PIEZO2: variants seen among roughly 807,000 people sequenced by gnomAD.
PIEZO2 encodes the protein piezo-type mechanosensitive ion channel component 2.
In PIEZO2, 172 loss-of-function variants were observed where a neutral mutation model predicts 337.3. The ratio of observed to expected loss-of-function variants is 0.51; its 90% CI spans 0.45 to 0.58. The LOEUF (loss-of-function observed/expected upper bound fraction) is 0.58, where lower values mean the gene tolerates loss of function less well. Ranked by LOEUF, PIEZO2 falls within the 20% of genes least tolerant of loss-of-function variation. PIEZO2 has a pLI of 0.00. For missense variants in PIEZO2, 3,028 were observed against 3,391.3 expected, an observed-to-expected ratio of 0.89 and a Z score of 2.66; for synonymous variants, 1,251 against 1,228.5, an observed-to-expected ratio of 1.02 and a Z score of -0.38.
chr18:10,706,762 C>T (rs2035604227), intron 40 of PIEZO2, among the ~76,000 whole-genome samples: 1 of 152,164 alleles, frequency 6.6e-6, no homozygotes, highest in Non-Finnish European at 1.5e-5. Flanking sequence ...ACACATCCAG[C>T]CACGGACGGG....
chr18:11,110,939 C>T lies in PIEZO2; in HGVS notation c.64+37586G>A, dbSNP rs2039712334. Among the ~76,000 whole-genome samples, 1 of 152,202 alleles carries T rather than the reference C, an allele frequency of 6.6e-6. No individual in the cohort carries two copies. Among genetic ancestry groups the T allele is most frequent in the Non-Finnish European group, 1.5e-5 (1 of 68,038 alleles). On this transcript the variant is annotated intron_variant, in intron 1 of 55. Coordinates refer to ENST00000674853, the MANE Select transcript of PIEZO2 (RefSeq NM_001378183.1). This position sits in a 1 kb window ranked among gnomAD's most constrained non-coding sequence, Gnocchi z 4.2. ...GCCAGGATGCTGTGCCCCGCAAGCT[C>T]CCCTCCATGTGGTCTGCGTCAGAGT...
rs1437036937 is a variant in PIEZO2 at position 10,716,777 on chromosome 18, T to G, written c.5090-961A>C. On this transcript the variant is annotated intron_variant, in intron 37 of 55. Coordinates refer to ENST00000674853, the MANE Select transcript of PIEZO2 (RefSeq NM_001378183.1). This position sits in a 1 kb window ranked among gnomAD's most constrained non-coding sequence, Gnocchi z 4.1. Reference sequence around the variant, plus strand: ...AGCTTGGCTCTGGAGGATGAAAGGCTTGGAGTTACACCCATCAATGAACTT... The same window carrying G: ...AGCTTGGCTCTGGAGGATGAAAGGCGTGGAGTTACACCCATCAATGAACTT... 6.6e-5 allele frequency among the ~76,000 whole-genome samples: 10 copies of G among 152,206 alleles called. 1 individual carries two copies. Among genetic ancestry groups the G allele is most frequent in the Admixed American group, 5.9e-4 (9 of 15,280 alleles).
At chr18:10,731,208 T>C (rs1567995785) in intron 36 of PIEZO2, among the ~76,000 whole-genome samples, 199 bp downstream of exon 36, 1 of 145,910 alleles carries the variant, frequency 6.9e-6, no homozygotes, top group South Asian at 2.2e-4. Flanking sequence ...TATATATATA[T>C]ATATATATAT....
chr18:11,071,954 G>C (rs145915334), intron 1 of PIEZO2, among the ~76,000 whole-genome samples: 2 of 150,194 alleles, frequency 1.3e-5, no homozygotes, highest in African/African-American at 4.8e-5. Flanking sequence ...CCCATCCTGC[G>C]CTCCATGCTA....
chr18:10,817,975 T>C (rs1034304297), intron 7 of PIEZO2, among the ~76,000 whole-genome samples: 2 of 151,890 alleles, frequency 1.3e-5, no homozygotes, highest in Admixed American at 6.6e-5. Context: ...GACTATTACC[T>C]GAATTAAACG....
rs1385085749 is a variant in PIEZO2 at position 10,997,537 on chromosome 18, A to G, written c.161-17877T>C. Among the ~76,000 whole-genome samples, 3 of 152,208 alleles carry G rather than the reference A, an allele frequency of 2.0e-5. No homozygotes were observed. The East Asian group carries it at 5.8e-4, about 29-fold the overall frequency. ...AAGTAAACCATGTTGAAATAAATAT[A>G]AAGATAAACATTATCAGCAGAGAAA... On this transcript the variant is annotated intron_variant, in intron 2 of 55. Transcript: ENST00000674853.
chr18:10,928,343 C>T (rs528331417), intron 3 of PIEZO2, among the ~76,000 whole-genome samples: 1 of 152,158 alleles, frequency 6.6e-6, no homozygotes, highest in Non-Finnish European at 1.5e-5. Context: ...CATGGCCGCT[C>T]CAAGCAAAGA....
chr18:10,907,370 G>A (rs1156945751), intron 4 of PIEZO2, among the ~76,000 whole-genome samples: 1 of 151,814 alleles, frequency 6.6e-6, no homozygotes, highest in Non-Finnish European at 1.5e-5. Flanking sequence ...CTGAACCCGG[G>A]AAGCAGAGGT....
rs1344807483 is a variant in PIEZO2 at position 10,929,976 on chromosome 18, G to A, written c.287-18748C>T. 2.6e-5 allele frequency among the ~76,000 whole-genome samples: 4 copies of A among 152,202 alleles called. No individual in the cohort carries two copies. The highest frequency in any genetic ancestry group is 3.4e-3 in the Middle Eastern group (1 of 294). On this transcript the variant is annotated intron_variant, in intron 3 of 55. Coordinates refer to ENST00000674853, the MANE Select transcript of PIEZO2 (RefSeq NM_001378183.1). This position sits in a 1 kb window ranked among gnomAD's most constrained non-coding sequence, Gnocchi z 5.6. ...CTTTCCTTTGGAGTTGAGGCACCAC[G>A]GACCAGCATTAACATTAAAACAGAG...
intron 1 of PIEZO2, among the ~76,000 whole-genome samples, chr18:11,106,515 C>G (rs986785853): frequency 6.6e-5 from 10 of 150,868 alleles, no homozygotes; most frequent in Non-Finnish European, 1.3e-4. Flanking sequence ...TCGGGTGATC[C>G]TCCCGCCTCA....
intron 3 of PIEZO2, among the ~76,000 whole-genome samples, chr18:10,975,216 A>G (rs1206978255): frequency 2.0e-5 from 3 of 152,248 alleles, no homozygotes. Context: ...GCATGCTTTA[A>G]GCACAGCACA....
intron 3 of PIEZO2, among the ~76,000 whole-genome samples, chr18:10,972,726 G>T (rs1334513668): frequency 6.6e-6 from 1 of 152,166 alleles, no homozygotes; most frequent in Non-Finnish European, 1.5e-5. Context: ...TCATCCATGT[G>T]ACTGTGCGTA....
chr18:10,731,634 C>T (rs2036792581), intron 35 of PIEZO2, 113 bp from the exon 36 acceptor site: 3 of 549,198 alleles, frequency 5.5e-6, no homozygotes, highest in South Asian at 8.1e-5. Context: ...ACAAACTAAA[C>T]ATCCCGGGCT....
chr18:10,785,949 C>T (rs1159678971), intron 16 of PIEZO2, among the ~76,000 whole-genome samples: 6 of 152,058 alleles, frequency 3.9e-5, no homozygotes, highest in Non-Finnish European at 2.9e-5. Flanking sequence ...CCCCACTCTT[C>T]GCTGTCCACT....
Position 10,878,929 on chromosome 18 carries a change from T to C in PIEZO2, c.330-7514A>G, listed in dbSNP as rs12455452. ...GTGTTTTCACAATGAGTGTCAGGTG[T>C]GGTTAGGACTTTCAGGTGCAGAGGT... On this transcript the variant is annotated intron_variant, in intron 4 of 55. Coordinates refer to ENST00000674853, the MANE Select transcript of PIEZO2 (RefSeq NM_001378183.1). This position sits in a 1 kb window ranked among gnomAD's most constrained non-coding sequence, Gnocchi z 4.3. Among the ~76,000 whole-genome samples, 66,225 of 152,050 alleles carry C rather than the reference T, an allele frequency of 0.44. 15,602 individuals carry two copies. Among genetic ancestry groups the C allele is most frequent in the African/African-American group, 0.64 (26,358 of 41,470 alleles).
At chr18:10,752,032 C>T (rs141752362) in intron 28 of PIEZO2, among the ~76,000 whole-genome samples, 1 of 152,286 alleles carries the variant, frequency 6.6e-6, no homozygotes, top group African/African-American at 2.4e-5. Context: ...CCGTACATTG[C>T]TCTAGCTGTG....
chr18:10,674,378 T>C (rs763621907), intron 54 of PIEZO2, among the ~76,000 whole-genome samples: 5 of 152,278 alleles, frequency 3.3e-5, no homozygotes, highest in Admixed American at 6.5e-5. Flanking sequence ...GCAAACTTCT[T>C]AATGCGTCTT....
intron 36 of PIEZO2, among the ~76,000 whole-genome samples, chr18:10,721,186 G>A (rs2036296061): frequency 6.6e-6 from 1 of 152,196 alleles, no homozygotes; most frequent in African/African-American, 2.4e-5. Flanking sequence ...CCTCCGGCAA[G>A]TTGCTTCATT....
In PIEZO2 at chr18:10,962,165, A is replaced by C. The variant is rs1183192624; in HGVS notation, c.286+17370T>G. Among the ~76,000 whole-genome samples the C allele has an allele frequency of 6.6e-6, 1 of 152,244 alleles. No homozygotes were observed. Among genetic ancestry groups the C allele is most frequent in the Non-Finnish European group, 1.5e-5 (1 of 68,040 alleles). On this transcript the variant is annotated intron_variant, in intron 3 of 55. Coordinates refer to ENST00000674853, the MANE Select transcript of PIEZO2 (RefSeq NM_001378183.1). The surrounding 1 kb of genome is among the most constrained non-coding windows in gnomAD (Gnocchi z 4.1). The stretch of plus-strand genomic sequence containing the variant: ...TGATCCTCAAAACTGCCACTGAATT[A>C]GAATTATTTCCAGATGCTCTGTTCA...
Sources: allele counts gnomAD v4.1 joint callset (sites outside exome capture counted in the v4.1 genomes callset), GRCh38; gene constraint gnomAD v4.1.1; non-coding constraint Gnocchi (gnomAD v3.1); transcripts MANE v1.5; gene names NCBI Gene and HGNC (gene_info 2026-07-23, HGNC 2026-07-21).